ELAVL2: variants seen among roughly 807,000 people sequenced by gnomAD.
The protein encoded by ELAVL2 is ELAV like RNA binding protein 2, also known as ELAV-like protein 2.
Under a neutral mutation model 34.6 loss-of-function variants are expected in ELAVL2, and 4 were observed. The observed-to-expected ratio is 0.12, with a 90% CI of 0.06 to 0.26. ELAVL2 has a LOEUF of 0.26. Among genes scored for constraint, ELAVL2 ranks in the 10% least tolerant of loss-of-function variants. The probability of loss-of-function intolerance (pLI) is 1.00; values close to 1 mark genes in which losing one functional copy is unlikely to be tolerated. For synonymous variants in ELAVL2, 193 were observed against 154.8 expected (o/e 1.25, Z -1.83); for missense variants, 432 against 442.8 (o/e 0.98, Z 0.22).
At chr9:23,766,661 A>G (rs2056320700) in intron 1 of ELAVL2, among the ~76,000 whole-genome samples, 1 of 152,090 alleles carries the variant, frequency 6.6e-6, no homozygotes, top group East Asian at 1.9e-4. Context: ...GCACTTTTAC[A>G]TTTCAAGCAC....
intron 1 of ELAVL2, among the ~76,000 whole-genome samples, chr9:23,817,723 CAT>C (rs1054396178): frequency 1.3e-4 from 20 of 152,114 alleles, no homozygotes; most frequent in African/African-American, 4.1e-4. Context: ...TAAAATGAAA[CAT>C]ATGATACACA....
At chr9:23,731,210 C>A (rs78471413) in intron 2 of ELAVL2, 85 bp from the exon 3 acceptor site, 3 of 1,080,362 alleles carry the variant, frequency 2.8e-6, no homozygotes, top group East Asian at 2.6e-5. Flanking sequence ...ATGGTCTTGT[C>A]ATTAACACCA....
At chr9:23,700,811 A>T (rs2036929866) in intron 5 of ELAVL2, among the ~76,000 whole-genome samples, 1 of 152,176 alleles carries the variant, frequency 6.6e-6, no homozygotes, top group African/African-American at 2.4e-5. Context: ...TTAATGGTGC[A>T]CATACTATAA....
At chr9:23,714,246 C>T (rs1438146888) in intron 3 of ELAVL2, among the ~76,000 whole-genome samples, 2 of 152,120 alleles carry the variant, frequency 1.3e-5, no homozygotes, top group Non-Finnish European at 2.9e-5. Context: ...TCAAGGAATA[C>T]TATTATCTTT....
In ELAVL2 at chr9:23,697,144, G is replaced by T. The variant is rs1028028320; in HGVS notation, c.714-3658C>A. ...CACAGCAAGCAGATATGGAGGATTA[G>T]ACTGGATAACCTGCTTTAATTAAAA... On this transcript the variant is annotated intron_variant, in intron 5 of 6. Transcript: ENST00000397312. 9.2e-5 allele frequency among the ~76,000 whole-genome samples: 14 copies of T among 152,092 alleles called. No homozygotes were observed. In the South Asian group the frequency reaches 2.5e-3, roughly 27 times the overall value.
chr9:23,734,756 G>GCATATTT (rs2047406658), intron 2 of ELAVL2, among the ~76,000 whole-genome samples: 1 of 151,802 alleles, frequency 6.6e-6, no homozygotes. Flanking sequence ...TTTATATAGT[G>GCATATTT]CATATTTCTG....
At chr9:23,734,945 C>A (rs2047458484) in intron 2 of ELAVL2, among the ~76,000 whole-genome samples, 1 of 151,710 alleles carries the variant, frequency 6.6e-6, no homozygotes, top group South Asian at 2.1e-4. Context: ...TTTTTCAAGT[C>A]TCTCTGAATT....
intron 3 of ELAVL2, among the ~76,000 whole-genome samples, chr9:23,716,911 A>T (rs2042448624): frequency 6.6e-6 from 1 of 152,218 alleles, no homozygotes; most frequent in African/African-American, 2.4e-5. Flanking sequence ...CAGTGAGTTG[A>T]GGGCAGAGTC....
At chr9:23,754,707 C>A (rs187398621) in intron 2 of ELAVL2, among the ~76,000 whole-genome samples, 1 of 152,144 alleles carries the variant, frequency 6.6e-6, no homozygotes, top group Non-Finnish European at 1.5e-5. Flanking sequence ...CGGTGATTCG[C>A]CTGCATTGGC....
upstream of ELAVL2, among the ~76,000 whole-genome samples, chr9:23,826,968 T>G (rs1354209469): frequency 1.3e-5 from 2 of 152,240 alleles, no homozygotes; most frequent in African/African-American, 4.8e-5. Flanking sequence ...AAAGATGAAG[T>G]CAGAAATGCT....
intron 1 of ELAVL2, among the ~76,000 whole-genome samples, chr9:23,768,928 C>T (rs2056817762): frequency 1.3e-5 from 2 of 152,100 alleles, no homozygotes; most frequent in Admixed American, 6.5e-5. Context: ...CAAACAGAAA[C>T]GATAACATCT....
rs577004302 is a variant in ELAVL2, at chr9:23,762,121, C to T, written c.114G>A (p.Lys38=). The change falls in exon 2 of 7, where the codon AAG becomes AAA. Residue 38 remains lysine (K), a synonymous_variant. Coordinates refer to ENST00000397312, the MANE Select transcript of ELAVL2 (RefSeq NM_004432.5). ...PVDSGNTEDS[K]TNLIVNYLPQ... is the part of the protein sequence containing the mutation. ...GAAGGTAGTTGACTATTAAGTTGGTCTTGCTGTCTTCTGTGTTCCCAGAGT... is the reference window on the plus strand; with the variant it reads ...GAAGGTAGTTGACTATTAAGTTGGTTTTGCTGTCTTCTGTGTTCCCAGAGT... The T allele has an allele frequency of 2.5e-6, 4 of 1,613,598 alleles. No homozygotes were observed. The highest frequency in any genetic ancestry group is 3.4e-6 in the Non-Finnish European group (4 of 1,179,634).
chr9:23,746,847 T>C (rs2135419902), intron 2 of ELAVL2, among the ~76,000 whole-genome samples: 1 of 150,832 alleles, frequency 6.6e-6, no homozygotes, highest in Non-Finnish European at 1.5e-5. Context: ...GCCTCTCTCA[T>C]TTCTGTTCAA....
chr9:23,813,276 T>C (rs1383109986), intron 1 of ELAVL2, among the ~76,000 whole-genome samples: 1 of 152,082 alleles, frequency 6.6e-6, no homozygotes, highest in South Asian at 2.1e-4. Flanking sequence ...ACGGCACACA[T>C]AGGAGAGGGC....
chr9:23,746,748 A>C (rs2135414955), intron 2 of ELAVL2, among the ~76,000 whole-genome samples: 1 of 152,004 alleles, frequency 6.6e-6, no homozygotes, highest in Non-Finnish European at 1.5e-5. Context: ...ACCCTAATGA[A>C]ATGTAAGACT....
At chr9:23,746,024 G>C (rs1005989141) in intron 2 of ELAVL2, among the ~76,000 whole-genome samples, 1 of 151,890 alleles carries the variant, frequency 6.6e-6, no homozygotes, top group African/African-American at 2.4e-5. Context: ...CACAAGAGAT[G>C]ACTTGGAAGG....
At chr9:23,705,173 G>T in intron 3 of ELAVL2, 102 bp from the exon 4 acceptor site, 1 of 1,342,648 alleles carries the variant, frequency 7.4e-7, no homozygotes. Flanking sequence ...GAACAGCATA[G>T]AACACTGAAG....
intron 1 of ELAVL2, among the ~76,000 whole-genome samples, chr9:23,790,119 T>TC: frequency 6.6e-6 from 1 of 151,876 alleles, no homozygotes; most frequent in East Asian, 1.9e-4. Context: ...CCTAAATCAT[T>TC]CTTTGGTTAG....
intron 1 of ELAVL2, chr9:23,779,501 T>A: frequency 1.5e-6 from 1 of 671,430 alleles, no homozygotes; most frequent in Non-Finnish European, 1.8e-6. Flanking sequence ...ACTCAGAAAC[T>A]AATGCATTCT....
Sources: allele counts gnomAD v4.1 joint callset (sites outside exome capture counted in the v4.1 genomes callset), GRCh38; gene constraint gnomAD v4.1.1; transcripts MANE v1.5; gene names NCBI Gene and HGNC (gene_info 2026-07-23, HGNC 2026-07-21).